The following UGT8 variants were observed in gnomAD, a reference collection of about 807,000 sequenced individuals.
UGT8 encodes the protein 2-hydroxyacylsphingosine 1-beta-galactosyltransferase.
UGT8 carries 12 observed loss-of-function variants against 40.5 expected under a neutral mutation model. The ratio of observed to expected loss-of-function variants is 0.30; its 90% confidence interval spans 0.19 to 0.48. The LOEUF is 0.48. UGT8 is among the 20% of genes least tolerant of loss of function. UGT8 has a pLI of 0.99. For missense variants in UGT8, 513 were observed against 648.7 expected, an observed-to-expected ratio of 0.79 and a Z score of 2.27; for synonymous variants, 224 against 240.4, an observed-to-expected ratio of 0.93 and a Z score of 0.63.
chr4:114,646,581 G>A (rs999495234), intron 2 of UGT8, among the ~76,000 whole-genome samples: 2 of 152,090 alleles, frequency 1.3e-5, no homozygotes, highest in East Asian at 1.9e-4. Context: ...CCTGCAGAAA[G>A]ACACACAGAT....
Position 114,665,286 on chromosome 4 carries a change from T to C in UGT8, c.966-394T>C, listed in dbSNP as rs1488174913. 4.8e-6 allele frequency: 3 copies of C among 624,960 alleles called. No individual in the cohort carries two copies. In the Admixed American group the frequency reaches 1.9e-4, roughly 39 times the overall value. The allele number at this position is 624,960 out of a possible 1,614,324, so 38.7% of individuals were successfully genotyped here. ...ACTCAGGGTGTTAAGGATTTAGGGA[T>C]ATTGACTGCCATAGCAGTGGCAGCT... is the stretch of plus-strand genomic sequence containing the variant. On this transcript the variant is annotated intron_variant, in intron 3 of 5. Coordinates refer to ENST00000310836, the MANE Select transcript of UGT8 (RefSeq NM_001128174.3).
chr4:114,629,500 G>A (rs1036141504), intron 2 of UGT8, among the ~76,000 whole-genome samples: 3 of 152,114 alleles, frequency 2.0e-5, no homozygotes, highest in Non-Finnish European at 4.4e-5. Context: ...TTCTCTAAGG[G>A]AACTCATTAA....
In UGT8 at chr4:114,632,284, A is replaced by G. The variant is rs1172555548; in HGVS notation, c.822+8582A>G. On this transcript the variant is annotated intron_variant, in intron 2 of 5. Coordinates refer to ENST00000310836, the MANE Select transcript of UGT8 (RefSeq NM_001128174.3). The stretch of plus-strand genomic sequence containing the variant: ...GCTATTAGATAGGAGAGAGAAAAAG[A>G]GACAGACAAGCATGTCTTCCTTTGT... 2.0e-5 allele frequency among the ~76,000 whole-genome samples: 3 copies of G among 152,378 alleles called. No individual in the cohort carries two copies. The East Asian group carries it at 5.8e-4, about 29-fold the overall frequency.
intron 2 of UGT8, among the ~76,000 whole-genome samples, chr4:114,629,746 A>T (rs1000331345): frequency 6.6e-6 from 1 of 152,200 alleles, no homozygotes; most frequent in Non-Finnish European, 1.5e-5. Context: ...TTCTGTAAGC[A>T]TTATGGGCTT....
intron 2 of UGT8, chr4:114,656,846 T>G (rs1470967745): frequency 3.9e-6 from 2 of 511,664 alleles, no homozygotes; most frequent in Admixed American, 4.0e-5. Flanking sequence ...TTTCCCCATA[T>G]CTACTTACTG....
intron 1 of UGT8, among the ~76,000 whole-genome samples, chr4:114,608,269 A>G (rs1356085987): frequency 6.6e-6 from 1 of 152,040 alleles, no homozygotes; most frequent in Non-Finnish European, 1.5e-5. Context: ...TGATTTGTAC[A>G]TATATTGATG....
In UGT8 at chr4:114,676,018, T is replaced by G; in HGVS notation, c.1356T>G (p.Ile452Met). The change falls in exon 6 of 6, where the codon ATT (isoleucine) becomes ATG (methionine). Residue 452 changes from isoleucine to methionine, a missense_variant. Ile to Met is a conservative substitution (Grantham distance 10, BLOSUM62 1). Transcript: ENST00000310836. ...CTATCTATTGGATAGATTATATTAT[T>G]CGTCACAATGGAGCCCATCACCTAC... ...NRTIYWIDYIIRHNGAHHLRA... is the reference protein window; with the variant it reads ...NRTIYWIDYIMRHNGAHHLRA... The G allele has an allele frequency of 6.2e-7, 1 of 1,614,194 alleles. No homozygotes were observed. Among genetic ancestry groups the G allele is most frequent in the South Asian group, 1.1e-5 (1 of 91,092 alleles).
intron 2 of UGT8, among the ~76,000 whole-genome samples, chr4:114,663,029 T>C (rs1192660895): frequency 6.6e-6 from 1 of 151,802 alleles, no homozygotes; most frequent in Non-Finnish European, 1.5e-5. Context: ...TTCACCATGT[T>C]AGCCAGGATA....
chr4:114,622,048 C>T (rs578097560), intron 1 of UGT8, among the ~76,000 whole-genome samples: 372 of 151,846 alleles, frequency 2.4e-3, no homozygotes, highest in African/African-American at 5.6e-3. Flanking sequence ...TGGTGTGCTG[C>T]GCCCACTAAC....
chr4:114,635,723 A>G (rs983174564), intron 2 of UGT8, among the ~76,000 whole-genome samples: 1 of 152,162 alleles, frequency 6.6e-6, no homozygotes, highest in Non-Finnish European at 1.5e-5. Context: ...GTTAAGTTTT[A>G]AGTATATCGC....
rs989899768 is a variant in UGT8 at position 114,676,348 on chromosome 4, T to C, written c.*60T>C. 8.8e-5 allele frequency: 124 copies of C among 1,403,598 alleles called. No individual in the cohort carries two copies. Among genetic ancestry groups the C allele is most frequent in the Non-Finnish European group, 1.2e-4 (122 of 1,036,242 alleles). 86.9% of individuals were successfully genotyped at this position (1,403,598 alleles called of 1,614,324 possible). A position where few individuals can be genotyped will look rare whatever the true frequency, so the allele number is the denominator to read the frequency against. On this transcript the variant is annotated 3_prime_UTR_variant, in exon 6 of 6. Transcript: ENST00000310836. ...ACTCATTGAATTTTTATTGCTATTATTTAGTCTAACAGCTACTAAAAGTAA... is the reference window on the plus strand; with the variant it reads ...ACTCATTGAATTTTTATTGCTATTACTTAGTCTAACAGCTACTAAAAGTAA...
rs766364291 is a variant in UGT8 at position 114,623,255 on chromosome 4, G to C, written c.375G>C (p.Gln125His). 3.7e-6 allele frequency: 6 copies of C among 1,614,154 alleles called. 2 individuals carry two copies. In the South Asian group the frequency reaches 5.5e-5, roughly 15 times the overall value. ...DLMVGNHALIQGLKKEKFDLL... is the reference protein window; with the variant it reads ...DLMVGNHALIHGLKKEKFDLL... ...TGGTTGGCAACCATGCCCTGATCCA[G>C]GGTCTGAAGAAAGAAAAATTTGACC... The change falls in exon 2 of 6, where the codon CAG (glutamine) becomes CAC (histidine). Residue 125 changes from glutamine to histidine, a missense_variant. Physicochemically the swap from Gln to His is conservative, Grantham distance 24 (BLOSUM62 0). This residue lies in a region of UGT8 where 335 missense variants were observed against 444.8 expected (regional missense o/e 0.75). Transcript: ENST00000310836.
chr4:114,654,010 C>T (rs1412167306), intron 2 of UGT8, among the ~76,000 whole-genome samples: 1 of 152,078 alleles, frequency 6.6e-6, no homozygotes, highest in Non-Finnish European at 1.5e-5. Flanking sequence ...GCACTGCGCT[C>T]TGTCTTTGTT....
intron 1 of UGT8, among the ~76,000 whole-genome samples, chr4:114,606,582 A>G (rs1730749218): frequency 6.6e-6 from 1 of 152,180 alleles, no homozygotes; most frequent in Non-Finnish European, 1.5e-5. Context: ...AAATGTATGG[A>G]TAAAGGCCAA....
chr4:114,644,375 A>G (rs1327145526), intron 2 of UGT8, among the ~76,000 whole-genome samples: 1 of 152,192 alleles, frequency 6.6e-6, no homozygotes, highest in Admixed American at 6.5e-5. Flanking sequence ...TATGCCTCAC[A>G]GTTATTCACT....
At chr4:114,645,277 A>G (rs915085456) in intron 2 of UGT8, among the ~76,000 whole-genome samples, 1 of 152,202 alleles carries the variant, frequency 6.6e-6, no homozygotes, top group Non-Finnish European at 1.5e-5. Context: ...AGTGCTTACC[A>G]TGAAGAAGTG....
chr4:114,627,078 A>C (rs1732273070), intron 2 of UGT8, among the ~76,000 whole-genome samples: 1 of 152,152 alleles, frequency 6.6e-6, no homozygotes, highest in African/African-American at 2.4e-5. Context: ...GGCTGCCTCT[A>C]ATAGGAGTCT....
chr4:114,647,188 A>G (rs947102258), intron 2 of UGT8, among the ~76,000 whole-genome samples: 3 of 152,196 alleles, frequency 2.0e-5, no homozygotes, highest in African/African-American at 4.8e-5. Context: ...ATTGCCTGAG[A>G]TGTTATAAAA....
Position 114,676,885 on chromosome 4 carries a change from G to A in UGT8, c.*597G>A, listed in dbSNP as rs1735690539. ...AGAAAAAAAAAAAAGAAATGGCACA[G>A]TTTTTTGTATTTTTTTTTTTAGTTA... is the stretch of plus-strand genomic sequence containing the variant. On this transcript the variant is annotated 3_prime_UTR_variant, in exon 6 of 6. Transcript: ENST00000310836. 1 of 151,038 alleles carries A rather than the reference G, an allele frequency of 6.6e-6. No individual in the cohort carries two copies. Among genetic ancestry groups the A allele is most frequent in the African/African-American group, 2.4e-5 (1 of 41,102 alleles). The allele number at this position is 151,038 out of a possible 1,614,324, so 9.4% of individuals were successfully genotyped here.
Sources: allele counts gnomAD v4.1 joint callset (sites outside exome capture counted in the v4.1 genomes callset), GRCh38; gene constraint gnomAD v4.1.1; regional missense constraint gnomAD v4.1.1; transcripts MANE v1.5; gene names NCBI Gene and HGNC (gene_info 2026-07-23, HGNC 2026-07-21).